Variants in FAXC observed in about 807,000 individuals in gnomAD.
FAXC encodes failed axon connections homolog.
In FAXC, 10 loss-of-function variants were observed where a neutral mutation model predicts 41.9. That is an observed-to-expected ratio of 0.24 (90% CI 0.15 to 0.41). FAXC has a LOEUF of 0.41. Ranked by LOEUF, FAXC falls within the 10% of genes least tolerant of loss-of-function variation. The pLI is 1.00. For missense variants in FAXC, 399 were observed against 510.9 expected (o/e 0.78, Z 2.11); for synonymous variants, 183 against 183.8 (o/e 1.00, Z 0.03).
intron 1 of FAXC, among the ~76,000 whole-genome samples, chr6:99,346,056 T>C (rs1032478907): frequency 3.3e-5 from 5 of 152,206 alleles, no homozygotes; most frequent in African/African-American, 1.2e-4. Context: ...AAAATCCAAG[T>C]AGGCTGGGGA....
intron 5 of FAXC, among the ~76,000 whole-genome samples, chr6:99,289,011 A>C (rs974696833): frequency 6.6e-6 from 1 of 151,972 alleles, no homozygotes; most frequent in Non-Finnish European, 1.5e-5. Context: ...TCACCCATCC[A>C]TCTGTCCATC....
chr6:99,293,848 T>C (rs1489686981), intron 4 of FAXC, among the ~76,000 whole-genome samples: 1 of 152,100 alleles, frequency 6.6e-6, no homozygotes, highest in African/African-American at 2.4e-5. Context: ...TGGTTCTACA[T>C]GCTGTACTCT....
intron 4 of FAXC, among the ~76,000 whole-genome samples, chr6:99,315,529 T>G (rs914228927): frequency 3.3e-5 from 5 of 152,190 alleles, no homozygotes; most frequent in Non-Finnish European, 5.9e-5. Context: ...AAGGCATATG[T>G]GTTTAACCAC....
rs899243645 is a variant in FAXC, at chr6:99,279,376, A to C, written c.*1788T>G. 2 of 152,200 alleles carry C rather than the reference A, an allele frequency of 1.3e-5. No homozygotes were observed. Among genetic ancestry groups the C allele is most frequent in the African/African-American group, 4.8e-5 (2 of 41,452 alleles). 9.4% of individuals were successfully genotyped at this position (152,200 alleles called of 1,614,324 possible). A position where few individuals can be genotyped will look rare whatever the true frequency, so the allele number is the denominator to read the frequency against. Reference sequence around the variant, plus strand: ...CTACACAATTGCTTAAGTGGTAAGCAGTCTGAAAAACTCTCCTCCCTTTAC... The same window carrying C: ...CTACACAATTGCTTAAGTGGTAAGCCGTCTGAAAAACTCTCCTCCCTTTAC... On this transcript the variant is annotated 3_prime_UTR_variant, in exon 6 of 6. Transcript: ENST00000389677.
At chr6:99,327,191 C>G (rs897114882) in intron 3 of FAXC, among the ~76,000 whole-genome samples, 5 of 152,158 alleles carry the variant, frequency 3.3e-5, no homozygotes, top group African/African-American at 1.2e-4. Flanking sequence ...AAATGAGGGT[C>G]AGGCAGGTCT....
intron 2 of FAXC, among the ~76,000 whole-genome samples, chr6:99,340,650 A>G (rs1375032991): frequency 6.7e-6 from 1 of 149,970 alleles, no homozygotes; most frequent in Non-Finnish European, 1.5e-5. Context: ...AGAAAGGATA[A>G]GAATTGCTAA....
intron 1 of FAXC, among the ~76,000 whole-genome samples, chr6:99,347,406 GAAAA>G (rs57714437): frequency 2.1e-5 from 3 of 143,538 alleles, no homozygotes; most frequent in Admixed American, 6.9e-5. Context: ...AGTCTCAAAA[GAAAA>G]AAAAAAAAAA....
At chr6:99,310,651 C>G (rs139841063) in intron 4 of FAXC, among the ~76,000 whole-genome samples, 2 of 152,286 alleles carry the variant, frequency 1.3e-5, no homozygotes, top group East Asian at 3.9e-4. Flanking sequence ...TTTCTTTTAT[C>G]TGTGTATTTT....
intron 4 of FAXC, among the ~76,000 whole-genome samples, chr6:99,305,905 G>A (rs1582643404): frequency 6.6e-6 from 1 of 151,942 alleles, no homozygotes; most frequent in Non-Finnish European, 1.5e-5. Context: ...GTGACAAATG[G>A]AACAGACAAG....
Position 99,349,430 on chromosome 6 carries a change from G to A in FAXC, c.-58C>T. On this transcript the variant is annotated 5_prime_UTR_variant, in exon 1 of 6. Transcript: ENST00000389677. ...GGCCCGCGCCGCCCGCATGGGAAGG[G>A]GCCGGCGCGGCCCGGCGCGGGCTCA... 2 of 1,270,404 alleles carry A rather than the reference G, an allele frequency of 1.6e-6. No individual in the cohort carries two copies. The highest frequency in any genetic ancestry group is 2.3e-5 in the South Asian group (1 of 43,658). 78.7% of individuals were successfully genotyped at this position (1,270,404 alleles called of 1,614,324 possible).
At chr6:99,316,139 C>A (rs542106674) in intron 4 of FAXC, among the ~76,000 whole-genome samples, 36 of 151,386 alleles carry the variant, frequency 2.4e-4, no homozygotes, top group African/African-American at 8.5e-4. Context: ...GAAACTCAGG[C>A]CCAGCTTTAA....
intron 5 of FAXC, 124 bp downstream of exon 5, chr6:99,291,580 T>C (rs1002888105): frequency 1.4e-6 from 1 of 736,374 alleles, no homozygotes; most frequent in African/African-American, 1.7e-5. Context: ...CTGTACACCA[T>C]GCCTGGTGTC....
chr6:99,300,626 T>C (rs1771668563), intron 4 of FAXC, among the ~76,000 whole-genome samples: 1 of 152,190 alleles, frequency 6.6e-6, no homozygotes, highest in Non-Finnish European at 1.5e-5. Flanking sequence ...CTCCCCAGTA[T>C]CACTTTCCCA....
intron 4 of FAXC, among the ~76,000 whole-genome samples, chr6:99,298,622 G>A (rs955927160): frequency 3.3e-5 from 5 of 152,146 alleles, no homozygotes; most frequent in African/African-American, 1.2e-4. Context: ...TTGAGGGCAA[G>A]TAAACTTCTA....
intron 1 of FAXC, among the ~76,000 whole-genome samples, chr6:99,346,431 G>C (rs1773594737): frequency 1.3e-5 from 2 of 152,202 alleles, no homozygotes; most frequent in Non-Finnish European, 2.9e-5. Context: ...TCTGTCGCCA[G>C]GCTGGAGTGC....
intron 5 of FAXC, among the ~76,000 whole-genome samples, chr6:99,283,572 A>C (rs773707223): frequency 6.6e-6 from 1 of 152,174 alleles, no homozygotes; most frequent in African/African-American, 2.4e-5. Flanking sequence ...ATATCTGTGC[A>C]CATGCTCAGG....
intron 1 of FAXC, among the ~76,000 whole-genome samples, chr6:99,347,423 G>T (rs966769916): frequency 6.9e-6 from 1 of 145,532 alleles, no homozygotes; most frequent in African/African-American, 2.5e-5. Context: ...AAAAAAAAAG[G>T]AAGAAAAAGT....
rs139305791 is a variant in FAXC, at chr6:99,319,525, A to G, written c.823+3919T>C. 1.8e-3 allele frequency among the ~76,000 whole-genome samples: 280 copies of G among 151,928 alleles called. 1 individual carries two copies. Among genetic ancestry groups the G allele is most frequent in the African/African-American group, 6.4e-3 (264 of 41,408 alleles). ...TTGCCTGCTGTTTGATTACTTCTACATGCCGACCACTTTTCAGAGCACTTT... is the reference window on the plus strand; with the variant it reads ...TTGCCTGCTGTTTGATTACTTCTACGTGCCGACCACTTTTCAGAGCACTTT... On this transcript the variant is annotated intron_variant, in intron 4 of 5. Transcript: ENST00000389677.
At chr6:99,301,674 A>T (rs1309025796) in intron 4 of FAXC, among the ~76,000 whole-genome samples, 3 of 152,192 alleles carry the variant, frequency 2.0e-5, no homozygotes, top group African/African-American at 7.2e-5. Context: ...TAAAATCAGA[A>T]TGGCTAATAA....
Sources: allele counts gnomAD v4.1 joint callset (sites outside exome capture counted in the v4.1 genomes callset), GRCh38; gene constraint gnomAD v4.1.1; transcripts MANE v1.5; gene names NCBI Gene and HGNC (gene_info 2026-07-23, HGNC 2026-07-21).